KLC1: variants seen among roughly 807,000 people sequenced by gnomAD.
KLC1 encodes kinesin light chain 1.
A neutral mutation model predicts 84.2 loss-of-function variants in KLC1; 30 were observed. That is an observed-to-expected ratio of 0.36 (90% CI 0.27 to 0.48). The LOEUF is 0.48. Among genes scored for constraint, KLC1 ranks in the 20% least tolerant of loss-of-function variants. The probability of loss-of-function intolerance (pLI) is 0.99; values close to 1 mark genes in which losing one functional copy is unlikely to be tolerated. For missense variants in KLC1, 499 were observed against 805.4 expected, an observed-to-expected ratio of 0.62 and a Z score of 4.60; for synonymous variants, 289 against 293.3, an observed-to-expected ratio of 0.99 and a Z score of 0.15.
intron 1 of KLC1, among the ~76,000 whole-genome samples, chr14:103,644,946 C>T (rs114883006): frequency 0.021 from 3,222 of 151,070 alleles, 103 homozygotes; most frequent in African/African-American, 0.074. Context: ...CTGTTCTATT[C>T]TGTTCTTTTC....
At chr14:103,639,103 C>T (rs562624426) in intron 1 of KLC1, among the ~76,000 whole-genome samples, 13 of 152,168 alleles carry the variant, frequency 8.5e-5, no homozygotes, top group African/African-American at 2.6e-4. Context: ...GTTGTTATTT[C>T]GATAAAATAT....
intron 9 of KLC1, 29 bp from the exon 10 acceptor site, chr14:103,675,523 C>T: frequency 1.3e-6 from 2 of 1,599,608 alleles, no homozygotes; most frequent in East Asian, 2.2e-5. Context: ...TAAGGATGCT[C>T]AACCTGTATG....
intron 1 of KLC1, among the ~76,000 whole-genome samples, chr14:103,652,638 A>G (rs1257469883): frequency 7.2e-5 from 11 of 151,986 alleles, no homozygotes; most frequent in Admixed American, 6.6e-4. Context: ...AGTACAGGCG[A>G]GCGCCATCAG....
At chr14:103,684,247 C>G (rs2081597378) in intron 13 of KLC1, among the ~76,000 whole-genome samples, 1 of 152,192 alleles carries the variant, frequency 6.6e-6, no homozygotes, top group Non-Finnish European at 1.5e-5. Context: ...ATCTGAGATC[C>G]TACTGTATAC....
chr14:103,693,442 C>T lies in KLC1; in HGVS notation c.1848+1017C>T, dbSNP rs1215058859. ...CATTGACCCCTGGGCCTCTCGAGTG[C>T]CAACCTAGATTTAGCTGTGCAGCTG... is the stretch of plus-strand genomic sequence containing the variant. On this transcript the variant is annotated intron_variant, in intron 15 of 16. Coordinates refer to ENST00000334553, the MANE Select transcript of KLC1 (RefSeq NM_001394837.1). The surrounding 1 kb of genome is among the most constrained non-coding windows in gnomAD (Gnocchi z 5.1). The T allele has an allele frequency of 6.7e-7, 1 of 1,499,994 alleles. No individual in the cohort carries two copies. The highest frequency in any genetic ancestry group is 8.9e-7 in the Non-Finnish European group (1 of 1,126,234). The allele number at this position is 1,499,994 out of a possible 1,614,324, so 92.9% of individuals were successfully genotyped here. A position where few individuals can be genotyped will look rare whatever the true frequency, so the allele number is the denominator to read the frequency against.
intron 1 of KLC1, among the ~76,000 whole-genome samples, chr14:103,637,214 A>G (rs1020308376): frequency 6.6e-6 from 1 of 151,948 alleles, no homozygotes; most frequent in Admixed American, 6.6e-5. Context: ...AATTTTTCTT[A>G]ACCATGCTCT....
At chr14:103,646,243 G>GTT (rs537960615) in intron 1 of KLC1, among the ~76,000 whole-genome samples, 1 of 152,160 alleles carries the variant, frequency 6.6e-6, no homozygotes, top group Non-Finnish European at 1.5e-5. Flanking sequence ...GTGTGACAGA[G>GTT]TAAGTAAAAT....
At chr14:103,649,178 TC>T (rs2078189965) in intron 1 of KLC1, among the ~76,000 whole-genome samples, 2 of 151,708 alleles carry the variant, frequency 1.3e-5, no homozygotes, top group South Asian at 4.2e-4. Context: ...TTGCCTATAC[TC>T]CTAGCTCCTT....
Position 103,636,877 on chromosome 14 carries a change from C to T in KLC1, c.-2+7383C>T, listed in dbSNP as rs1238736072. 4.6e-5 allele frequency among the ~76,000 whole-genome samples: 7 copies of T among 151,728 alleles called. No individual in the cohort carries two copies. In the East Asian group the frequency reaches 1.4e-3, roughly 29 times the overall value. On this transcript the variant is annotated intron_variant, in intron 1 of 16. Transcript: ENST00000334553. ...AGCTGGGACTACAGGCGCCTGCCAC[C>T]ACGCCCAGCTAATTTTTTTTTTTGT...
chr14:103,691,978 C>T (rs992355052), intron 14 of KLC1, among the ~76,000 whole-genome samples: 1 of 152,234 alleles, frequency 6.6e-6, no homozygotes, highest in East Asian at 1.9e-4. Context: ...CCATGTTACC[C>T]GGGATGGTCT....
chr14:103,693,809 C>A lies in KLC1; in HGVS notation c.1848+1384C>A. The A allele has an allele frequency of 1.4e-6, 2 of 1,396,538 alleles. No homozygotes were observed. Among genetic ancestry groups the A allele is most frequent in the East Asian group, 5.4e-5 (2 of 36,734 alleles). The allele number at this position is 1,396,538 out of a possible 1,614,324, so 86.5% of individuals were successfully genotyped here. On this transcript the variant is annotated intron_variant, in intron 15 of 16. Coordinates refer to ENST00000334553, the MANE Select transcript of KLC1 (RefSeq NM_001394837.1). The surrounding 1 kb of genome is among the most constrained non-coding windows in gnomAD (Gnocchi z 5.1). Reference sequence around the variant, plus strand: ...GTGCCTCAGCATTCTGTTACTCGGCCTGCAGCCCCAGTGCCAGGAGCCACC... The same window carrying A: ...GTGCCTCAGCATTCTGTTACTCGGCATGCAGCCCCAGTGCCAGGAGCCACC...
At chr14:103,699,293 C>T in intron 15 of KLC1, 1 of 1,545,368 alleles carries the variant, frequency 6.5e-7, no homozygotes, top group South Asian at 1.2e-5. Flanking sequence ...GCCCCACCTC[C>T]AGACCGGCTC....
At chr14:103,674,376 G>A (rs1211385499) in intron 9 of KLC1, among the ~76,000 whole-genome samples, 3 of 151,794 alleles carry the variant, frequency 2.0e-5, no homozygotes, top group Non-Finnish European at 4.4e-5. Flanking sequence ...TGAGTGTTCC[G>A]AGAAGATGAC....
At chr14:103,661,966 G>A in intron 3 of KLC1, 150 bp from the exon 4 acceptor site, 3 of 617,018 alleles carry the variant, frequency 4.9e-6, no homozygotes, top group Non-Finnish European at 8.7e-6. Flanking sequence ...TGATGGATAA[G>A]CCAGATTGTC....
At position 103,673,084 on chromosome 14, in the gene KLC1, G is replaced by C; in HGVS notation, c.1058G>C (p.Gly353Ala). The change falls in exon 8 of 17, where the codon GGC (glycine) becomes GCC (alanine). Residue 353 changes from glycine to alanine, a missense_variant. This residue lies in a region of KLC1 where 153 missense variants were observed against 332.4 expected (regional missense o/e 0.46). Coordinates refer to ENST00000334553, the MANE Select transcript of KLC1 (RefSeq NM_001394837.1). Reference sequence around the variant, plus strand: ...TTGGCCTTACTGTGCCAGAACCAGGGCAAGTATGAAGAAGTAGAATATTAT... The same window carrying C: ...TTGGCCTTACTGTGCCAGAACCAGGCCAAGTATGAAGAAGTAGAATATTAT... ...NNLALLCQNQ[G>A]KYEEVEYYYQ... 1 of 1,613,942 alleles carries C rather than the reference G, an allele frequency of 6.2e-7. No individual in the cohort carries two copies. Among genetic ancestry groups the C allele is most frequent in the Non-Finnish European group, 8.5e-7 (1 of 1,179,962 alleles).
intron 1 of KLC1, among the ~76,000 whole-genome samples, chr14:103,653,604 A>G (rs1446471155): frequency 6.6e-6 from 1 of 152,224 alleles, no homozygotes; most frequent in African/African-American, 2.4e-5. Context: ...TATAGGAATG[A>G]GCCACCATGC....
At chr14:103,691,774 C>T (rs1421825483) in intron 14 of KLC1, among the ~76,000 whole-genome samples, 5 of 151,296 alleles carry the variant, frequency 3.3e-5, no homozygotes, top group Admixed American at 6.6e-5. Context: ...TTTTTTGTTT[C>T]GTTTTGTTTT....
At chr14:103,630,085 C>T (rs1422087066) in intron 1 of KLC1, among the ~76,000 whole-genome samples, 3 of 152,258 alleles carry the variant, frequency 2.0e-5, no homozygotes, top group African/African-American at 7.2e-5. Context: ...TCCGCTTTGC[C>T]TCCTTGGCGA....
chr14:103,697,008 G>T (rs902110841), intron 15 of KLC1: 3 of 985,352 alleles, frequency 3.0e-6, no homozygotes, highest in Non-Finnish European at 2.4e-6. Context: ...GGGGCCGGCC[G>T]AGCTTCCAGG....
Sources: allele counts gnomAD v4.1 joint callset (sites outside exome capture counted in the v4.1 genomes callset), GRCh38; gene constraint gnomAD v4.1.1; regional missense constraint gnomAD v4.1.1; non-coding constraint Gnocchi (gnomAD v3.1); transcripts MANE v1.5; gene names NCBI Gene and HGNC (gene_info 2026-07-23, HGNC 2026-07-21).